The following CD96 variants were observed in gnomAD, a reference collection of about 807,000 sequenced individuals.
CD96 encodes T-cell surface protein tactile.
In CD96, 70 loss-of-function variants were observed where a neutral mutation model predicts 71.3. That is an observed-to-expected ratio of 0.98 (90% CI 0.81 to 1.20). CD96 has a LOEUF of 1.20. CD96 is among the 50% of genes most tolerant of loss of function. The pLI is 0.00. For missense variants in CD96, 742 were observed against 677.5 expected (o/e 1.10, Z -1.06); for synonymous variants, 248 against 233.0 (o/e 1.06, Z -0.59).
chr3:111,606,598 A>G, intron 7 of CD96, 102 bp from the exon 8 acceptor site: 4 of 728,350 alleles, frequency 5.5e-6, no homozygotes, highest in Non-Finnish European at 1.0e-5. Context: ...GATTTGTTAC[A>G]TGATGAATAA....
At chr3:111,564,685 T>C (rs1356106641) in intron 2 of CD96, among the ~76,000 whole-genome samples, 2 of 152,164 alleles carry the variant, frequency 1.3e-5, no homozygotes, top group African/African-American at 4.8e-5. Context: ...GTTATTTTGT[T>C]CTCTATTCTT....
intron 2 of CD96, among the ~76,000 whole-genome samples, chr3:111,565,213 C>A (rs1345221825): frequency 1.3e-5 from 2 of 152,108 alleles, no homozygotes; most frequent in South Asian, 4.1e-4. Context: ...GTTGATCTTC[C>A]TCTGTTTCTG....
Position 111,618,818 on chromosome 3 carries a change from G to A in CD96, c.1181-4936G>A, listed in dbSNP as rs377527607. ...AATCTCCTGACCTCATGATCCACCCGCCTCAACCTCCCAAAGTGCTGGGAT... is the reference window on the plus strand; with the variant it reads ...AATCTCCTGACCTCATGATCCACCCACCTCAACCTCCCAAAGTGCTGGGAT... On this transcript the variant is annotated intron_variant, in intron 8 of 13. Coordinates refer to ENST00000352690, the MANE Select transcript of CD96 (RefSeq NM_005816.5). Among the ~76,000 whole-genome samples, 17 of 151,714 alleles carry A rather than the reference G, an allele frequency of 1.1e-4. No individual in the cohort carries two copies. In the South Asian group the frequency reaches 1.2e-3, roughly 11 times the overall value.
chr3:111,656,016 TA>T (rs950086459), downstream of CD96, among the ~76,000 whole-genome samples: 1 of 151,786 alleles, frequency 6.6e-6, no homozygotes, highest in African/African-American at 2.4e-5. Context: ...TACTTAAGAA[TA>T]AAAATATTCA....
At chr3:111,629,060 C>T (rs1023163417) in intron 10 of CD96, among the ~76,000 whole-genome samples, 7 of 152,104 alleles carry the variant, frequency 4.6e-5, no homozygotes, top group South Asian at 2.1e-4. Context: ...TACAAAAAAA[C>T]GCTGAAGTAT....
In CD96 at chr3:111,606,725, TCCA is replaced by T. The variant is rs1205713351; in HGVS notation, c.1115_1117del (p.Pro372del). 6.3e-7 allele frequency: 1 copy of T among 1,597,152 alleles called. No individual in the cohort carries two copies. Among genetic ancestry groups the T allele is most frequent in the Non-Finnish European group, 8.6e-7 (1 of 1,164,598 alleles). On this transcript the variant is annotated inframe_deletion, in exon 8 of 14. Transcript: ENST00000352690. ...GTTCTGAAATTTCCTCAACAGACCC[TCCA>T]CTGAGTGTTACAGAATCTACCCTTG... is the stretch of plus-strand genomic sequence containing the variant.
At chr3:111,626,315 A>G (rs1239186404) in intron 10 of CD96, among the ~76,000 whole-genome samples, 33 of 151,360 alleles carry the variant, frequency 2.2e-4, no homozygotes, top group African/African-American at 7.8e-4. Context: ...TCAAAAAAAA[A>G]AAAAAAAAAA....
At chr3:111,560,167 G>T (rs1467243747) in intron 2 of CD96, among the ~76,000 whole-genome samples, 3 of 151,422 alleles carry the variant, frequency 2.0e-5, no homozygotes, top group African/African-American at 7.3e-5. Flanking sequence ...TATCCAATTT[G>T]CCAGTCTGTG....
intron 8 of CD96, among the ~76,000 whole-genome samples, chr3:111,620,021 T>A (rs529456284): frequency 8.1e-4 from 124 of 152,332 alleles, no homozygotes; most frequent in African/African-American, 2.8e-3. Flanking sequence ...AGCCCTGGAA[T>A]GGACAGGTGC....
At chr3:111,639,291 G>A (rs1939484040) in intron 12 of CD96, among the ~76,000 whole-genome samples, 1 of 152,182 alleles carries the variant, frequency 6.6e-6, no homozygotes, top group African/African-American at 2.4e-5. Flanking sequence ...GGGGTGGGGG[G>A]CATGGTGGGA....
chr3:111,628,090 G>A (rs1441147052), intron 10 of CD96, among the ~76,000 whole-genome samples: 1 of 151,466 alleles, frequency 6.6e-6, no homozygotes, highest in Non-Finnish European at 1.5e-5. Context: ...AAAAGAAAAA[G>A]AAAAAAAACA....
intron 5 of CD96, chr3:111,593,487 T>C: frequency 6.7e-7 from 1 of 1,498,598 alleles, no homozygotes; most frequent in Non-Finnish European, 8.9e-7. Context: ...GAAACTAAAA[T>C]GGCTCTTTTC....
downstream of CD96, among the ~76,000 whole-genome samples, chr3:111,657,277 G>T (rs367817682): frequency 6.6e-6 from 1 of 152,008 alleles, no homozygotes; most frequent in African/African-American, 2.4e-5. Flanking sequence ...AATTAGCCAG[G>T]CATGGTGGCA....
At chr3:111,653,812 A>T (rs954778425), downstream of CD96, among the ~76,000 whole-genome samples, 4 of 148,286 alleles carry the variant, frequency 2.7e-5, no homozygotes, top group African/African-American at 4.9e-5. Context: ...AGAAGCGATA[A>T]TTTTTTTTTT....
Position 111,544,233 on chromosome 3 carries a change from C to T in CD96, c.62-813C>T, listed in dbSNP as rs570015777. Among the ~76,000 whole-genome samples the T allele has an allele frequency of 8.7e-4, 133 of 152,244 alleles. 1 individual carries two copies. Among genetic ancestry groups the T allele is most frequent in the Admixed American group, 3.6e-3 (55 of 15,300 alleles). ...GATTTCGGCTCACTGTAATCTCCGC[C>T]TCCCAGGTTCAAGCGATTCTCCTGC... is the stretch of plus-strand genomic sequence containing the variant. On this transcript the variant is annotated intron_variant, in intron 1 of 13. Coordinates refer to ENST00000352690, the MANE Select transcript of CD96 (RefSeq NM_005816.5).
chr3:111,567,387 T>C, intron 2 of CD96, 136 bp from the exon 3 acceptor site: 1 of 689,892 alleles, frequency 1.4e-6, no homozygotes, highest in Non-Finnish European at 2.6e-6. Context: ...ATCGTGGGAG[T>C]TTGCCTCTCT....
At chr3:111,640,817 G>C (rs114590923) in intron 12 of CD96, among the ~76,000 whole-genome samples, 3,159 of 152,292 alleles carry the variant, frequency 0.021, 113 homozygotes, top group African/African-American at 0.069. Context: ...AGCTAGAAGA[G>C]ACTGGGGACC....
At chr3:111,638,382 G>A (rs1939437647) in intron 12 of CD96, among the ~76,000 whole-genome samples, 1 of 152,184 alleles carries the variant, frequency 6.6e-6, no homozygotes, top group African/African-American at 2.4e-5. Context: ...ATGATAAGGT[G>A]TTGTCAGGGT....
intron 12 of CD96, among the ~76,000 whole-genome samples, chr3:111,646,149 A>G (rs1939817652): frequency 6.6e-6 from 1 of 152,108 alleles, no homozygotes; most frequent in Non-Finnish European, 1.5e-5. Context: ...ATACCTAAAG[A>G]CCTATCTATC....
Sources: gnomAD v4.1 joint callset for allele counts (sites outside exome capture counted in the v4.1 genomes callset) on GRCh38, gnomAD v4.1.1 for gene constraint, MANE v1.5 for transcripts, NCBI Gene and HGNC (gene_info 2026-07-23, HGNC 2026-07-21) for gene names.